EFNA4: variants seen among roughly 807,000 people sequenced by gnomAD.
EFNA4 encodes ephrin-A4.
Under a neutral mutation model 23.7 loss-of-function variants are expected in EFNA4, and 22 were observed. The observed-to-expected ratio is 0.93, with a 90% confidence interval of 0.66 to 1.32. The LOEUF (loss-of-function observed/expected upper bound fraction) is 1.32, where lower values mean the gene tolerates loss of function less well. EFNA4 is among the 40% of genes most tolerant of loss of function. The pLI is 0.00. For synonymous variants in EFNA4, 113 were observed against 108.3 expected, an observed-to-expected ratio of 1.04 and a Z score of -0.27; for missense variants, 252 against 252.3, an observed-to-expected ratio of 1.00 and a Z score of 0.01.
chr1:155,069,230 G>A lies in EFNA4; in HGVS notation c.*241G>A, dbSNP rs909117055. On this transcript the variant is annotated 3_prime_UTR_variant, in exon 4 of 4. Transcript: ENST00000368409. The stretch of plus-strand genomic sequence containing the variant: ...AAGCAGAGGCAAGACAAACACAGGC[G>A]CTTTGCAGGCTGCTCTGAGGGTCTC... The A allele has an allele frequency of 4.5e-5, 68 of 1,519,794 alleles. No individual in the cohort carries two copies. In the East Asian group the frequency reaches 9.3e-4, roughly 21 times the overall value. The allele number at this position is 1,519,794 out of a possible 1,614,324, so 94.1% of individuals were successfully genotyped here.
chr1:155,067,583 G>C, intron 3 of EFNA4, 143 bp downstream of exon 3: 3 of 889,102 alleles, frequency 3.4e-6, no homozygotes, highest in Non-Finnish European at 5.3e-6. Flanking sequence ...ATTTAGCCTT[G>C]AGGGAGCTTC....
chr1:155,065,663 G>A (rs1663001811), intron 1 of EFNA4, among the ~76,000 whole-genome samples: 1 of 146,610 alleles, frequency 6.8e-6, no homozygotes, highest in Non-Finnish European at 1.5e-5. Flanking sequence ...AGCCTCCCAA[G>A]TAGCTGGGAC....
intron 2 of EFNA4, 23 bp downstream of exon 2, chr1:155,067,039 G>C (rs1489240362): frequency 1.3e-6 from 2 of 1,582,862 alleles, no homozygotes; most frequent in African/African-American, 2.7e-5. Flanking sequence ...GGGCACACTG[G>C]ACACCTCTTG....
chr1:155,069,553 A>G lies in EFNA4; in HGVS notation c.*564A>G, dbSNP rs1325361549. Reference sequence around the variant, plus strand: ...ACTCATCTTTTTGTTGCCCTCCCCAATCTACTGCCCTCAGGCCACTTCCCT... The same window carrying G: ...ACTCATCTTTTTGTTGCCCTCCCCAGTCTACTGCCCTCAGGCCACTTCCCT... On this transcript the variant is annotated 3_prime_UTR_variant, in exon 4 of 4. Coordinates refer to ENST00000368409, the MANE Select transcript of EFNA4 (RefSeq NM_005227.3). 3 of 193,148 alleles carry G rather than the reference A, an allele frequency of 1.6e-5. No individual in the cohort carries two copies. The highest frequency in any genetic ancestry group is 1.7e-4 in the East Asian group (1 of 5,950). 12.0% of individuals were successfully genotyped at this position (193,148 alleles called of 1,614,324 possible).
rs1662901618 is a variant in EFNA4, at chr1:155,063,998, G to A, written c.113+62G>A. 1 of 1,336,912 alleles carries A rather than the reference G, an allele frequency of 7.5e-7. No individual in the cohort carries two copies. The highest frequency in any genetic ancestry group is 9.9e-7 in the Non-Finnish European group (1 of 1,011,542). The allele number at this position is 1,336,912 out of a possible 1,614,324, so 82.8% of individuals were successfully genotyped here. ...CTGCGCGCTCCCGGGCTTTGCGCGC[G>A]CCCGCCACCCGCTCTTTGCGCGGCG... On this transcript the variant is annotated intron_variant, in intron 1 of 3. Coordinates refer to ENST00000368409, the MANE Select transcript of EFNA4 (RefSeq NM_005227.3). This position sits in a 1 kb window ranked among gnomAD's most constrained non-coding sequence, Gnocchi z 4.1.
At position 155,069,274 on chromosome 1, in the gene EFNA4, ACT is replaced by A. The variant is rs1237514676; in HGVS notation, c.*286_*287del. On this transcript the variant is annotated 3_prime_UTR_variant, in exon 4 of 4. Coordinates refer to ENST00000368409, the MANE Select transcript of EFNA4 (RefSeq NM_005227.3). The stretch of plus-strand genomic sequence containing the variant: ...GGGTCTCAGCCCATCCCCCAGGAGG[ACT>A]GGGATTTGGTATGATCAAATCCTCA... The A allele has an allele frequency of 7.4e-7, 1 of 1,356,436 alleles. No homozygotes were observed. Among genetic ancestry groups the A allele is most frequent in the Non-Finnish European group, 9.8e-7 (1 of 1,017,128 alleles). The allele number at this position is 1,356,436 out of a possible 1,614,324, so 84.0% of individuals were successfully genotyped here. A position where few individuals can be genotyped will look rare whatever the true frequency, so the allele number is the denominator to read the frequency against.
intron 1 of EFNA4, among the ~76,000 whole-genome samples, chr1:155,065,647 C>T (rs1165068203): frequency 9.2e-5 from 14 of 151,652 alleles, no homozygotes; most frequent in Admixed American, 7.9e-4. Flanking sequence ...AGGATCCTCC[C>T]GCCTCAGCCT....
At chr1:155,068,372 TCTC>T (rs1285397302) in intron 3 of EFNA4, among the ~76,000 whole-genome samples, 2 of 145,410 alleles carry the variant, frequency 1.4e-5, no homozygotes, top group Non-Finnish European at 3.0e-5. Context: ...TGCAAGCAAT[TCTC>T]CTGCCTCAGT....
chr1:155,064,062 G>T, intron 1 of EFNA4, 126 bp downstream of exon 1: 1 of 550,158 alleles, frequency 1.8e-6, no homozygotes. Flanking sequence ...TCCTTTGTTT[G>T]AGCCGGCGGG....
chr1:155,065,700 CTTTATTTATTTATTTATTTATTTA>C lies in EFNA4; in HGVS notation c.114-1006_114-983del, dbSNP rs149262026. Among the ~76,000 whole-genome samples the C allele has an allele frequency of 9.7e-5, 12 of 123,874 alleles. No homozygotes were observed. The East Asian group carries it at 1.6e-3, about 17-fold the overall frequency. The allele number at this position is 123,874 out of a possible 152,430, so 81.3% of individuals were successfully genotyped here. On this transcript the variant is annotated intron_variant, in intron 1 of 3. Coordinates refer to ENST00000368409, the MANE Select transcript of EFNA4 (RefSeq NM_005227.3). The stretch of plus-strand genomic sequence containing the variant: ...ACAGGAGTGCACCACCACTCATGGC[CTTTATTTATTTATTTATTTATTTA>C]TTTATTTATTTATTTATTTATTTTT...
chr1:155,068,590 A>G (rs1236724611), intron 3 of EFNA4, among the ~76,000 whole-genome samples: 1 of 151,928 alleles, frequency 6.6e-6, no homozygotes, highest in Non-Finnish European at 1.5e-5. Context: ...CATACTGTAC[A>G]CTTTTTAAAG....
chr1:155,064,667 G>GT (rs1558138877), intron 1 of EFNA4, among the ~76,000 whole-genome samples: 1 of 152,052 alleles, frequency 6.6e-6, no homozygotes, highest in East Asian at 1.9e-4. Flanking sequence ...ATATTTTACT[G>GT]TTTCCATCCC....
In EFNA4 at chr1:155,066,815, CCT is replaced by C; in HGVS notation, c.200_201del (p.Pro67ArgfsTer17). On this transcript the variant is annotated frameshift_variant, in exon 2 of 4. Coordinates refer to ENST00000368409, the MANE Select transcript of EFNA4 (RefSeq NM_005227.3). LOFTEE classifies it high-confidence loss of function. ...VCPHYEGPGPPEGPETFALYM... is the reference protein window; with the variant it reads ...VCPHYEGPGPXEGPETFALYM... ...CCCCCACTACGAAGGCCCAGGGCCC[CCT>C]GAGGGCCCCGAGACGTTTGCTTTGT... 2.5e-6 allele frequency: 4 copies of C among 1,613,924 alleles called. No homozygotes were observed. The highest frequency in any genetic ancestry group is 3.4e-6 in the Non-Finnish European group (4 of 1,179,944).
chr1:155,069,431 C>A lies in EFNA4; in HGVS notation c.*442C>A. On this transcript the variant is annotated 3_prime_UTR_variant, in exon 4 of 4. Coordinates refer to ENST00000368409, the MANE Select transcript of EFNA4 (RefSeq NM_005227.3). ...CAGCACCTTGCCCTCCCCAGGGGAT[C>A]ACTCACTTGTCTTCTATGAAGACGG... The A allele has an allele frequency of 2.1e-6, 1 of 470,680 alleles. No homozygotes were observed. Among genetic ancestry groups the A allele is most frequent in the Non-Finnish European group, 3.7e-6 (1 of 268,552 alleles). 29.2% of individuals were successfully genotyped at this position (470,680 alleles called of 1,614,324 possible).
At chr1:155,065,833 C>T (rs1485558176) in intron 1 of EFNA4, among the ~76,000 whole-genome samples, 3 of 151,474 alleles carry the variant, frequency 2.0e-5, no homozygotes, top group Non-Finnish European at 4.4e-5. Context: ...CCCGGGTTCA[C>T]GCCATTCTCC....
intron 3 of EFNA4, among the ~76,000 whole-genome samples, 171 bp from the exon 4 acceptor site, chr1:155,068,682 G>A (rs1465001078): frequency 6.6e-6 from 1 of 151,988 alleles, no homozygotes; most frequent in Non-Finnish European, 1.5e-5. Flanking sequence ...GCAATTTTGG[G>A]GAGGCTTGGA....
At position 155,066,905 on chromosome 1, in the gene EFNA4, TG is replaced by T. The variant is rs1663062844; in HGVS notation, c.292del (p.Val98CysfsTer48). 1 of 1,614,152 alleles carries T rather than the reference TG, an allele frequency of 6.2e-7. No individual in the cohort carries two copies. The highest frequency in any genetic ancestry group is 1.1e-5 in the South Asian group (1 of 91,088). On this transcript the variant is annotated frameshift_variant, in exon 2 of 4. Transcript: ENST00000368409. LOFTEE classifies it high-confidence loss of function. ...QAEGPRAYKR[W>X]VCSLPFGHVQ... ...AGAGGGCCCCCGGGCCTACAAGCGCTGGGTGTGCTCCCTGCCCTTTGGCCAT... is the reference window on the plus strand; with the variant it reads ...AGAGGGCCCCCGGGCCTACAAGCGCTGGTGTGCTCCCTGCCCTTTGGCCAT...
At chr1:155,066,051 G>T (rs949987749) in intron 1 of EFNA4, among the ~76,000 whole-genome samples, 1 of 151,714 alleles carries the variant, frequency 6.6e-6, no homozygotes, top group African/African-American at 2.4e-5. Flanking sequence ...ATTTATTTAT[G>T]GTAGAGACAG....
At position 155,069,079 on chromosome 1, in the gene EFNA4, G is replaced by T; in HGVS notation, c.*90G>T. The T allele has an allele frequency of 6.2e-7, 1 of 1,611,204 alleles. No individual in the cohort carries two copies. Among genetic ancestry groups the T allele is most frequent in the Non-Finnish European group, 8.5e-7 (1 of 1,179,048 alleles). ...GGGATCCCTGCTGCCTGCACTGGGG[G>T]TGCCAATTCAGACCGACAAGATGGA... On this transcript the variant is annotated 3_prime_UTR_variant, in exon 4 of 4. Coordinates refer to ENST00000368409, the MANE Select transcript of EFNA4 (RefSeq NM_005227.3).
Sources: allele counts gnomAD v4.1 joint callset (sites outside exome capture counted in the v4.1 genomes callset), GRCh38; gene constraint gnomAD v4.1.1; non-coding constraint Gnocchi (gnomAD v3.1); transcripts MANE v1.5; gene names NCBI Gene and HGNC (gene_info 2026-07-23, HGNC 2026-07-21).